Variants in ICE2 observed in about 807,000 individuals in gnomAD.
ICE2 encodes the protein little elongation complex subunit 2.
Under a neutral mutation model 105.4 loss-of-function variants are expected in ICE2, and 87 were observed. The observed-to-expected ratio is 0.83, with a 90% CI of 0.69 to 0.99. ICE2 has a LOEUF of 0.99. Among genes scored for constraint, ICE2 ranks in the 50% least tolerant of loss-of-function variants. ICE2 has a pLI of 0.00. For synonymous variants in ICE2, 399 were observed against 392.0 expected (o/e 1.02, Z -0.21); for missense variants, 1,323 against 1,146.7 (o/e 1.15, Z -2.22).
intron 9 of ICE2, chr15:60,451,938 C>T (rs2063976571): frequency 3.0e-6 from 1 of 332,812 alleles, no homozygotes; most frequent in Admixed American, 6.5e-5. Context: ...CAATTCCTCA[C>T]TATCTTGTTA....
At position 60,448,109 on chromosome 15, in the gene ICE2, G is replaced by T; in HGVS notation, c.2156C>A (p.Thr719Lys). ...PYELQDYVED[T>K]SEYLAPQEGN... ...TTCCTGAGGAGCTAGGTATTCCGAT[G>T]TATCTTCAACATAGTCCTGAAGTTC... Residue 719 changes from threonine (T) to lysine (K), a missense_variant, in exon 11 of 16, where the codon ACA (threonine) becomes AAA (lysine). Physicochemically the swap from Thr to Lys is moderately conservative, Grantham distance 78. Coordinates refer to ENST00000261520, the MANE Select transcript of ICE2 (RefSeq NM_024611.6). The T allele has an allele frequency of 1.9e-6, 3 of 1,612,428 alleles. No homozygotes were observed. Among genetic ancestry groups the T allele is most frequent in the Non-Finnish European group, 2.5e-6 (3 of 1,178,742 alleles).
rs905790981 is a variant in ICE2, at chr15:60,422,102, T to C, written c.*1532A>G. On this transcript the variant is annotated 3_prime_UTR_variant, in exon 16 of 16. Coordinates refer to ENST00000261520, the MANE Select transcript of ICE2 (RefSeq NM_024611.6). ...CATACATAATTTCTGAAAATTTTAG[T>C]GTAAGGGTTCTAAAGATTAAACAAG... The C allele has an allele frequency of 6.6e-5, 10 of 151,740 alleles. No individual in the cohort carries two copies. Among genetic ancestry groups the C allele is most frequent in the Non-Finnish European group, 1.3e-4 (9 of 67,962 alleles). The allele number at this position is 151,740 out of a possible 1,614,324, so 9.4% of individuals were successfully genotyped here.
At chr15:60,472,153 T>C (rs185336555) in intron 3 of ICE2, among the ~76,000 whole-genome samples, 25 of 152,248 alleles carry the variant, frequency 1.6e-4, no homozygotes, top group African/African-American at 5.8e-4. Context: ...TTTCCAAATA[T>C]TCTATAATTT....
intron 3 of ICE2, 144 bp from the exon 4 acceptor site, chr15:60,468,466 A>G: frequency 1.6e-6 from 1 of 637,092 alleles, no homozygotes; most frequent in East Asian, 2.7e-5. Context: ...TGCCACCTGC[A>G]TTTTGATGTT....
At position 60,421,589 on chromosome 15, in the gene ICE2, G is replaced by C. The variant is rs1415404341; in HGVS notation, c.*2045C>G. ...AAAAGGCAAGTCTTTCTGGTATTCA[G>C]AAGTCTGAAGCAACCACTGTCCAGC... On this transcript the variant is annotated 3_prime_UTR_variant, in exon 16 of 16. Transcript: ENST00000261520. The C allele has an allele frequency of 1.3e-5, 2 of 152,178 alleles. No homozygotes were observed. The highest frequency in any genetic ancestry group is 4.8e-5 in the African/African-American group (2 of 41,442). 9.4% of individuals were successfully genotyped at this position (152,178 alleles called of 1,614,324 possible).
Position 60,448,840 on chromosome 15 carries a change from T to C in ICE2, c.2119+8A>G, listed in dbSNP as rs760595493. 1.3e-6 allele frequency: 2 copies of C among 1,563,942 alleles called. No individual in the cohort carries two copies. Among genetic ancestry groups the C allele is most frequent in the East Asian group, 4.5e-5 (2 of 44,500 alleles). ...AACACTGTAAGCTCTTTGTAAATAT[T>C]TACTTACGTCCTTTTGGCTTCTGAA... On this transcript the variant is annotated splice_region_variant and intron_variant, in intron 10 of 15. Transcript: ENST00000261520.
At position 60,468,279 on chromosome 15, in the gene ICE2, T is replaced by G. The variant is rs1238887103; in HGVS notation, c.190A>C (p.Asn64His). ...NLNASASSVENEPAVSSATQA... is the reference protein window; with the variant it reads ...NLNASASSVEHEPAVSSATQA... ...GTTGCTGAACTAACTGCCGGCTCAT[T>G]TTCTACAGAACTTGCTGAGGCATTC... The change falls in exon 4 of 16, where the codon AAT becomes CAT. Residue 64 changes from asparagine (N) to histidine (H), a missense_variant. Transcript: ENST00000261520. The G allele has an allele frequency of 1.2e-6, 2 of 1,613,068 alleles. No homozygotes were observed. The highest frequency in any genetic ancestry group is 2.7e-5 in the African/African-American group (2 of 75,046).
rs1194221320 is a variant in ICE2, at chr15:60,421,836, C to T, written c.*1798G>A. 1 of 152,078 alleles carries T rather than the reference C, an allele frequency of 6.6e-6. No homozygotes were observed. The highest frequency in any genetic ancestry group is 1.9e-4 in the East Asian group (1 of 5,196). The allele number at this position is 152,078 out of a possible 1,614,324, so 9.4% of individuals were successfully genotyped here. The stretch of plus-strand genomic sequence containing the variant: ...GATGAGGAAATGATTTATCAAGATA[C>T]AATTTTACTAATAATTACTTCTCAA... On this transcript the variant is annotated 3_prime_UTR_variant, in exon 16 of 16. Transcript: ENST00000261520.
chr15:60,428,832 A>G, intron 14 of ICE2, 145 bp from the exon 15 acceptor site: 2 of 861,900 alleles, frequency 2.3e-6, no homozygotes, highest in Non-Finnish European at 3.4e-6. Context: ...AATAAGATTT[A>G]AGAAATCTTT....
intron 13 of ICE2, among the ~76,000 whole-genome samples, chr15:60,433,721 C>A (rs2063515345): frequency 6.6e-6 from 1 of 151,812 alleles, no homozygotes; most frequent in African/African-American, 2.4e-5. Context: ...GAACTCCTGA[C>A]CTCAAGTGAT....
chr15:60,473,721 G>C (rs1198637431), intron 3 of ICE2, among the ~76,000 whole-genome samples: 4 of 146,210 alleles, frequency 2.7e-5, no homozygotes, highest in African/African-American at 1.0e-4. Flanking sequence ...TAAGAAATTA[G>C]TTATCCTCAA....
intron 5 of ICE2, among the ~76,000 whole-genome samples, chr15:60,464,849 C>A (rs1250657274): frequency 1.3e-5 from 2 of 152,090 alleles, no homozygotes; most frequent in African/African-American, 4.8e-5. Context: ...GGCCCTGTAT[C>A]TAAAAAAAGT....
chr15:60,477,471 C>T (rs951859447), intron 2 of ICE2, among the ~76,000 whole-genome samples: 1 of 152,164 alleles, frequency 6.6e-6, no homozygotes, highest in Admixed American at 6.5e-5. Flanking sequence ...GCTACAAAAC[C>T]ACTATATTAT....
At chr15:60,429,542 GAATA>G (rs1299795291) in intron 14 of ICE2, among the ~76,000 whole-genome samples, 2 of 152,120 alleles carry the variant, frequency 1.3e-5, no homozygotes, top group African/African-American at 2.4e-5. Context: ...AAAGGGATAT[GAATA>G]AATATATTGT....
chr15:60,477,764 G>A (rs2064806270), intron 2 of ICE2, among the ~76,000 whole-genome samples, 173 bp downstream of exon 2: 1 of 152,154 alleles, frequency 6.6e-6, no homozygotes, highest in South Asian at 2.1e-4. Flanking sequence ...AGTACAGTCA[G>A]CCATAACTCT....
At chr15:60,445,025 G>A (rs1024742667) in intron 11 of ICE2, among the ~76,000 whole-genome samples, 6 of 152,084 alleles carry the variant, frequency 3.9e-5, no homozygotes, top group African/African-American at 1.2e-4. Context: ...ACTGGCTGAT[G>A]TTTTAGGTTC....
Position 60,451,463 on chromosome 15 carries a change from C to A in ICE2, c.1126-1622G>T, listed in dbSNP as rs1020014611. 108 of 983,128 alleles carry A rather than the reference C, an allele frequency of 1.1e-4. No homozygotes were observed. In the African/African-American group the frequency reaches 1.7e-3, roughly 15 times the overall value. 60.9% of individuals were successfully genotyped at this position (983,128 alleles called of 1,614,324 possible). A position where few individuals can be genotyped will look rare whatever the true frequency, so the allele number is the denominator to read the frequency against. Reference sequence around the variant, plus strand: ...AATGTAAACAAACAATAAACTCAAGCACTTCAAAATTTAAAAACATTCCAA... The same window carrying A: ...AATGTAAACAAACAATAAACTCAAGAACTTCAAAATTTAAAAACATTCCAA... On this transcript the variant is annotated intron_variant, in intron 9 of 15. Coordinates refer to ENST00000261520, the MANE Select transcript of ICE2 (RefSeq NM_024611.6).
At chr15:60,464,910 G>C (rs953406433) in intron 5 of ICE2, among the ~76,000 whole-genome samples, 6 of 152,108 alleles carry the variant, frequency 3.9e-5, no homozygotes, top group African/African-American at 1.2e-4. Context: ...GGCTGAGCTG[G>C]GGAGGATCAC....
chr15:60,444,975 G>A (rs1386798140), intron 11 of ICE2, among the ~76,000 whole-genome samples: 1 of 152,114 alleles, frequency 6.6e-6, no homozygotes, highest in Non-Finnish European at 1.5e-5. Context: ...GTGAGCCACC[G>A]TGCCTGGCCT....
Sources: allele counts gnomAD v4.1 joint callset (sites outside exome capture counted in the v4.1 genomes callset), GRCh38; gene constraint gnomAD v4.1.1; transcripts MANE v1.5; gene names NCBI Gene and HGNC (gene_info 2026-07-23, HGNC 2026-07-21).